The following CDH8 variants were observed in gnomAD, a reference collection of about 807,000 sequenced individuals.
CDH8 encodes the protein cadherin 8, also known as cadherin-8.
Under a neutral mutation model 68.1 loss-of-function variants are expected in CDH8, and 17 were observed. The ratio of observed to expected loss-of-function variants is 0.25; its 90% confidence interval spans 0.17 to 0.37. The LOEUF (loss-of-function observed/expected upper bound fraction) is 0.37, where lower values mean the gene tolerates loss of function less well. CDH8 is among the 10% of genes least tolerant of loss of function. The pLI is 1.00. For synonymous variants in CDH8, 372 were observed against 365.1 expected (o/e 1.02, Z -0.21); for missense variants, 763 against 999.3 (o/e 0.76, Z 3.19).
intron 10 of CDH8, among the ~76,000 whole-genome samples, chr16:61,672,639 C>T (rs1963821331): frequency 6.6e-6 from 1 of 151,974 alleles, no homozygotes; most frequent in Admixed American, 6.6e-5. Flanking sequence ...TGAAACAAAG[C>T]AGAAAGCTAC....
At chr16:61,784,174 G>A (rs1262807522) in intron 8 of CDH8, among the ~76,000 whole-genome samples, 3 of 151,894 alleles carry the variant, frequency 2.0e-5, no homozygotes, top group Non-Finnish European at 4.4e-5. Context: ...CCATCAGTGT[G>A]CTGTATTCAG....
At chr16:61,999,963 C>T (rs901801403) in intron 2 of CDH8, among the ~76,000 whole-genome samples, 6 of 151,634 alleles carry the variant, frequency 4.0e-5, no homozygotes, top group Admixed American at 6.6e-5. Context: ...CCTCCCCTTG[C>T]CCCCCGACCC....
chr16:61,819,485 T>G (rs1962161606), intron 6 of CDH8, among the ~76,000 whole-genome samples: 1 of 152,246 alleles, frequency 6.6e-6, no homozygotes, highest in Non-Finnish European at 1.5e-5. Flanking sequence ...TATTGTACTC[T>G]ACTTTATTTC....
intron 3 of CDH8, among the ~76,000 whole-genome samples, chr16:61,893,970 A>G (rs938594326): frequency 4.6e-5 from 7 of 152,162 alleles, no homozygotes; most frequent in Non-Finnish European, 1.0e-4. Context: ...CAGCCAAGAA[A>G]CTTCAATGGA....
rs1963063767 is a variant in CDH8, at chr16:61,857,219, G to A, written c.567C>T (p.Val189=). Residue 189 remains valine (V), a synonymous_variant, in exon 4 of 12, where the codon GTC becomes GTT. Coordinates refer to ENST00000577390, the MANE Select transcript of CDH8 (RefSeq NM_001796.5). Reference sequence around the variant, plus strand: ...CTGGGTCATCAGCGTCGGTCGCAGTGACGTTAGTGACAGATGTACCTAATA... The same window carrying A: ...CTGGGTCATCAGCGTCGGTCGCAGTAACGTTAGTGACAGATGTACCTAATA... ...MSILGTSVTN[V]TATDADDPVY... is the part of the protein sequence containing the mutation. The A allele has an allele frequency of 3.7e-6, 6 of 1,612,500 alleles. No individual in the cohort carries two copies. The highest frequency in any genetic ancestry group is 5.1e-6 in the Non-Finnish European group (6 of 1,178,886).
Position 61,901,407 on chromosome 16 carries a change from T to C in CDH8, c.319A>G (p.Thr107Ala). ...KYILSGDGAG[T>A]IFQINDVTGD... Reference sequence around the variant, plus strand: ...GTTACATCATTTATTTGAAATATGGTCCCAGCTCCATCACCTGATAGGATA... The same window carrying C: ...GTTACATCATTTATTTGAAATATGGCCCCAGCTCCATCACCTGATAGGATA... Residue 107 changes from threonine (T) to alanine (A), a missense_variant, in exon 3 of 12, where the codon ACC (threonine) becomes GCC (alanine). By Grantham distance (58) the Thr-to-Ala change is moderately conservative. This residue lies in a region of CDH8 where 366 missense variants were observed against 563.1 expected (regional missense o/e 0.65). Coordinates refer to ENST00000577390, the MANE Select transcript of CDH8 (RefSeq NM_001796.5). The C allele has an allele frequency of 6.2e-7, 1 of 1,613,854 alleles. No individual in the cohort carries two copies.
intron 2 of CDH8, among the ~76,000 whole-genome samples, chr16:62,000,843 A>G (rs974680545): frequency 6.6e-6 from 1 of 152,194 alleles, no homozygotes; most frequent in Non-Finnish European, 1.5e-5. Flanking sequence ...TACTAGTATT[A>G]GACACTGTAG....
intron 2 of CDH8, among the ~76,000 whole-genome samples, chr16:62,007,760 G>A (rs1001677567): frequency 2.6e-5 from 4 of 151,790 alleles, no homozygotes; most frequent in East Asian, 1.9e-4. Context: ...CTTATCCTCC[G>A]CCTTCCCTCT....
chr16:61,993,924 T>C (rs1341898152), intron 2 of CDH8, among the ~76,000 whole-genome samples: 1 of 152,188 alleles, frequency 6.6e-6, no homozygotes, highest in East Asian at 1.9e-4. Flanking sequence ...AAATAATAGA[T>C]ATATCAAAAT....
At chr16:61,899,596 T>C (rs1963931201) in intron 3 of CDH8, among the ~76,000 whole-genome samples, 1 of 151,734 alleles carries the variant, frequency 6.6e-6, no homozygotes, top group South Asian at 2.1e-4. Flanking sequence ...GAAAAGGTAT[T>C]ATGGGGAAGA....
intron 2 of CDH8, among the ~76,000 whole-genome samples, chr16:62,019,407 C>G (rs900918711): frequency 1.1e-4 from 16 of 152,144 alleles, no homozygotes; most frequent in African/African-American, 3.9e-4. Flanking sequence ...CCATCTAAAC[C>G]TCACTTTTGT....
At chr16:61,955,026 A>T (rs1156712016) in intron 2 of CDH8, among the ~76,000 whole-genome samples, 3 of 152,216 alleles carry the variant, frequency 2.0e-5, no homozygotes, top group African/African-American at 4.8e-5. Context: ...AATGAAACAG[A>T]GTCAGGGAAA....
intron 7 of CDH8, among the ~76,000 whole-genome samples, chr16:61,807,122 C>T (rs1179703374): frequency 9.4e-5 from 14 of 148,356 alleles, no homozygotes; most frequent in South Asian, 2.2e-4. Flanking sequence ...CACATATACA[C>T]CATGGAATAC....
chr16:61,984,870 C>A (rs932963866), intron 2 of CDH8, among the ~76,000 whole-genome samples: 5 of 152,058 alleles, frequency 3.3e-5, no homozygotes, highest in African/African-American at 1.2e-4. Context: ...AATATTTTTT[C>A]CATATAGATA....
chr16:61,702,133 G>A (rs1964441621), intron 10 of CDH8, among the ~76,000 whole-genome samples: 1 of 152,196 alleles, frequency 6.6e-6, no homozygotes, highest in South Asian at 2.1e-4. Flanking sequence ...AGCAGTTTGA[G>A]AGGCCGAGGC....
rs1220422807 is a variant in CDH8, at chr16:61,999,828, T to G, written c.252+21324A>C. On this transcript the variant is annotated intron_variant, in intron 2 of 11. Transcript: ENST00000577390. Reference sequence around the variant, plus strand: ...ATTTTACTTTAAGTCCTGGGATACATGTGCAGAATGTGCAGGTTTGTTACA... The same window carrying G: ...ATTTTACTTTAAGTCCTGGGATACAGGTGCAGAATGTGCAGGTTTGTTACA... 2.0e-5 allele frequency among the ~76,000 whole-genome samples: 3 copies of G among 152,276 alleles called. No individual in the cohort carries two copies. The East Asian group carries it at 5.8e-4, about 29-fold the overall frequency.
chr16:61,784,407 C>G (rs200943878), intron 8 of CDH8, among the ~76,000 whole-genome samples: 32,083 of 148,890 alleles, frequency 0.22, 3,875 homozygotes, highest in African/African-American at 0.34. Flanking sequence ...TATATATGCA[C>G]CCAATACAGG....
Position 61,648,584 on chromosome 16 carries a change from C to T in CDH8, c.*5024G>A, listed in dbSNP as rs1963254370. The stretch of plus-strand genomic sequence containing the variant: ...AGTGTCAGATCAACCAAACTTAAAC[C>T]CAGACTCAAATAGTATTTATCCATA... On this transcript the variant is annotated 3_prime_UTR_variant, in exon 12 of 12. Coordinates refer to ENST00000577390, the MANE Select transcript of CDH8 (RefSeq NM_001796.5). The T allele has an allele frequency of 6.6e-6, 1 of 151,352 alleles. No individual in the cohort carries two copies. Among genetic ancestry groups the T allele is most frequent in the Non-Finnish European group, 1.5e-5 (1 of 67,756 alleles). The allele number at this position is 151,352 out of a possible 1,614,324, so 9.4% of individuals were successfully genotyped here. A position where few individuals can be genotyped will look rare whatever the true frequency, so the allele number is the denominator to read the frequency against.
chr16:62,005,485 C>A (rs1965959379), intron 2 of CDH8, among the ~76,000 whole-genome samples: 1 of 150,584 alleles, frequency 6.6e-6, no homozygotes, highest in African/African-American at 2.4e-5. Flanking sequence ...CGCCTGTAAT[C>A]CCAGCACTTT....
Sources: gnomAD v4.1 joint callset for allele counts (sites outside exome capture counted in the v4.1 genomes callset) on GRCh38, gnomAD v4.1.1 for gene constraint, gnomAD v4.1.1 regional missense constraint, MANE v1.5 for transcripts, NCBI Gene and HGNC (gene_info 2026-07-23, HGNC 2026-07-21) for gene names.